Variants in ZFP64 observed in about 807,000 individuals in gnomAD.
ZFP64 encodes the protein ZFP64 zinc finger protein.
Under a neutral mutation model 51.6 loss-of-function variants are expected in ZFP64, and 14 were observed. The observed-to-expected ratio is 0.27, with a 90% CI of 0.18 to 0.42. The LOEUF (loss-of-function observed/expected upper bound fraction) is 0.42. Among genes scored for constraint, ZFP64 ranks in the 10% least tolerant of loss-of-function variants. ZFP64 has a pLI of 1.00. For missense variants in ZFP64, 754 were observed against 906.8 expected, an observed-to-expected ratio of 0.83 and a Z score of 2.16; for synonymous variants, 375 against 361.4, an observed-to-expected ratio of 1.04 and a Z score of -0.43.
Position 52,152,313 on chromosome 20 carries a change from C to T in ZFP64, c.1879G>A (p.Glu627Lys). ...CCTCCATCGCTCACCACTGTCACTT[C>T]TGCTGTCCCCTCCTGAATCAAGGCG... ...LNALIQEGTA[E>K]VTVVSDGGQN... The change falls in exon 6 of 6, where the codon GAA becomes AAA. Residue 627 changes from glutamate (E) to lysine (K), a missense_variant. Physicochemically the swap from Glu to Lys is moderately conservative, Grantham distance 56. This residue lies in a region of ZFP64 where 428 missense variants were observed against 472.4 expected (regional missense o/e 0.91). Coordinates refer to ENST00000216923, the MANE Select transcript of ZFP64 (RefSeq NM_018197.3). 8 of 1,614,206 alleles carry T rather than the reference C, an allele frequency of 5.0e-6. 1 individual carries two copies. The South Asian group carries it at 7.7e-5, about 16-fold the overall frequency.
intron 5 of ZFP64, among the ~76,000 whole-genome samples, chr20:52,143,121 A>G (rs1980357725): frequency 7.0e-6 from 1 of 143,358 alleles, no homozygotes; most frequent in South Asian, 2.3e-4. Flanking sequence ...TGAATAGACT[A>G]TAGTATGGTA....
intron 5 of ZFP64, among the ~76,000 whole-genome samples, chr20:52,155,287 C>A (rs984755045): frequency 1.2e-4 from 18 of 152,148 alleles, no homozygotes; most frequent in Admixed American, 3.9e-4. Context: ...GCACTGTTAT[C>A]AGATTGGTTG....
chr20:52,085,193 G>A lies in ZFP64; in HGVS notation c.1302C>T (p.Ile434=), dbSNP rs1238264888. ...TGAAAGGCTTCTCCCCCGAGTGCAC[G>A]ATCATGTGCCTTTTCAAGTCCGAGC... Residue 434 remains isoleucine, a synonymous_variant, in exon 9 of 9, where the codon ATC becomes ATT. Transcript: ENST00000361387. The surrounding 1 kb of genome is among the most constrained non-coding windows in gnomAD (Gnocchi z 4.3). 1 of 1,614,212 alleles carries A rather than the reference G, an allele frequency of 6.2e-7. No homozygotes were observed. Among genetic ancestry groups the A allele is most frequent in the Admixed American group, 1.7e-5 (1 of 60,030 alleles).
chr20:52,139,470 G>C (rs1027614747), intron 5 of ZFP64, among the ~76,000 whole-genome samples: 37 of 152,136 alleles, frequency 2.4e-4, no homozygotes, highest in African/African-American at 8.9e-4. Context: ...TGGACACAAA[G>C]ATGGGAACAA....
rs1226296174 is a variant in ZFP64 at position 52,151,940 on chromosome 20, G to A, written c.*206C>T. On this transcript the variant is annotated 3_prime_UTR_variant, in exon 6 of 6. Coordinates refer to ENST00000216923, the MANE Select transcript of ZFP64 (RefSeq NM_018197.3). ...TGGTCCCAGCTACTCGGAGGGCTGA[G>A]GCATGAGAATCGCTTGAACCTGGGA... 3 of 1,189,454 alleles carry A rather than the reference G, an allele frequency of 2.5e-6. No individual in the cohort carries two copies. In the East Asian group the frequency reaches 8.6e-5, roughly 34 times the overall value. The allele number at this position is 1,189,454 out of a possible 1,614,324, so 73.7% of individuals were successfully genotyped here.
Position 52,152,826 on chromosome 20 carries a change from A to G in ZFP64, c.1366T>C (p.Ser456Pro). 6.2e-7 allele frequency: 1 copy of G among 1,613,840 alleles called. No individual in the cohort carries two copies. The highest frequency in any genetic ancestry group is 1.1e-5 in the South Asian group (1 of 91,090). Residue 456 changes from serine (S) to proline (P), a missense_variant, in exon 6 of 6, where the codon TCG becomes CCG. Physicochemically the swap from Ser to Pro is moderately conservative, Grantham distance 74. This residue lies in a region of ZFP64 where 428 missense variants were observed against 472.4 expected (regional missense o/e 0.91). Coordinates refer to ENST00000216923, the MANE Select transcript of ZFP64 (RefSeq NM_018197.3). ...QHSEYSESKN[S>P]DVTVLQFQID... Reference sequence around the variant, plus strand: ...TGAAACTGGAGAACGGTCACGTCCGAGTTCTTACTCTCACTGTACTCACTG... The same window carrying G: ...TGAAACTGGAGAACGGTCACGTCCGGGTTCTTACTCTCACTGTACTCACTG...
At chr20:52,088,395 T>C in exon 8 of ZFP64, 2 of 1,613,934 alleles carry the variant, frequency 1.2e-6, no homozygotes, top group Non-Finnish European at 1.7e-6. Flanking sequence ...GACTCACCCG[T>C]GTGAGATCGC....
chr20:52,162,224 G>A lies in ZFP64; in HGVS notation c.512-1850C>T, dbSNP rs552502855. Among the ~76,000 whole-genome samples, 3 of 152,124 alleles carry A rather than the reference G, an allele frequency of 2.0e-5. No homozygotes were observed. The South Asian group carries it at 6.2e-4, about 31-fold the overall frequency. On this transcript the variant is annotated intron_variant, in intron 4 of 5. Coordinates refer to ENST00000216923, the MANE Select transcript of ZFP64 (RefSeq NM_018197.3). ...GAGGCAGGAGAATCACTTGAACTCG[G>A]AAGGCGGAGGTTGCAGTGTGCTGAG...
chr20:52,131,600 A>C (rs1165096220), intron 5 of ZFP64, among the ~76,000 whole-genome samples: 1 of 152,238 alleles, frequency 6.6e-6, no homozygotes, highest in Middle Eastern at 3.2e-3. Flanking sequence ...ACATTTCAAG[A>C]CAAAAACTAT....
intron 3 of ZFP64, chr20:52,165,276 C>G: frequency 2.2e-6 from 1 of 456,188 alleles, no homozygotes; most frequent in Non-Finnish European, 4.4e-6. Context: ...GATGATTGTC[C>G]TGTGGTTATT....
chr20:52,160,370 G>T lies in ZFP64; in HGVS notation c.516C>A (p.Asp172Glu), dbSNP rs182544212. 245 of 1,611,640 alleles carry T rather than the reference G, an allele frequency of 1.5e-4. No homozygotes were observed. The highest frequency in any genetic ancestry group is 7.4e-5 in the Non-Finnish European group (87 of 1,178,338). The change falls in exon 5 of 6, where the codon GAC becomes GAA. Residue 172 changes from aspartate (D) to glutamate (E), a missense_variant. This residue lies in a region of ZFP64 where 231 missense variants were observed against 336.7 expected (regional missense o/e 0.69). Coordinates refer to ENST00000216923, the MANE Select transcript of ZFP64 (RefSeq NM_018197.3). The surrounding 1 kb of genome is among the most constrained non-coding windows in gnomAD (Gnocchi z 4.2). The part of the protein sequence containing the change: ...MERHLKIHTG[D>E]KPHKCEVCGK... ...CACAGACTTCACACTTATGGGGTTTGTCTCCTTCAAACACATACACACACA... is the reference window on the plus strand; with the variant it reads ...CACAGACTTCACACTTATGGGGTTTTTCTCCTTCAAACACATACACACACA...
intron 7 of ZFP64, chr20:52,089,138 C>T: frequency 2.3e-6 from 1 of 439,438 alleles, no homozygotes; most frequent in Non-Finnish European, 4.5e-6. Context: ...ACCACATACC[C>T]AGAACACTTC....
At chr20:52,105,318 C>T (rs530623159) in intron 5 of ZFP64, 28 of 1,254,566 alleles carry the variant, frequency 2.2e-5, no homozygotes, top group South Asian at 3.4e-5. Flanking sequence ...GAAATTACCC[C>T]CCTTCGGCCG....
intron 7 of ZFP64, among the ~76,000 whole-genome samples, chr20:52,094,827 GTA>G (rs1303057991): frequency 6.6e-6 from 1 of 152,162 alleles, no homozygotes; most frequent in Non-Finnish European, 1.5e-5. Flanking sequence ...ACACACCTCA[GTA>G]TTCCTAGCTT....
At chr20:52,133,470 ACAG>A (rs1226001544) in intron 5 of ZFP64, among the ~76,000 whole-genome samples, 1 of 150,540 alleles carries the variant, frequency 6.6e-6, no homozygotes, top group African/African-American at 2.4e-5. Flanking sequence ...AGGACTCCAC[ACAG>A]AAAAATACTA....
chr20:52,175,662 T>C (rs1983132193), intron 2 of ZFP64, among the ~76,000 whole-genome samples: 1 of 152,068 alleles, frequency 6.6e-6, no homozygotes, highest in Non-Finnish European at 1.5e-5. Flanking sequence ...CTGGCCAACA[T>C]GGTGAAACCC....
At chr20:52,088,144 A>AT in intron 8 of ZFP64, 1 of 563,124 alleles carries the variant, frequency 1.8e-6, no homozygotes, top group East Asian at 3.2e-5. Context: ...CTTGGCAGTT[A>AT]TAGTGGGTAT....
intron 5 of ZFP64, among the ~76,000 whole-genome samples, chr20:52,104,369 C>G (rs956305782): frequency 1.3e-5 from 2 of 152,138 alleles, no homozygotes; most frequent in Admixed American, 6.5e-5. Flanking sequence ...TTAAGGTAGC[C>G]GACGATCTCC....
chr20:52,154,454 T>C (rs1245309171), intron 5 of ZFP64, among the ~76,000 whole-genome samples: 1 of 152,204 alleles, frequency 6.6e-6, no homozygotes, highest in Non-Finnish European at 1.5e-5. Flanking sequence ...ACTCCACAAC[T>C]GGTATCTTTA....
Sources: allele counts gnomAD v4.1 joint callset (sites outside exome capture counted in the v4.1 genomes callset), GRCh38; gene constraint gnomAD v4.1.1; regional missense constraint gnomAD v4.1.1; non-coding constraint Gnocchi (gnomAD v3.1); transcripts MANE v1.5; gene names NCBI Gene and HGNC (gene_info 2026-07-23, HGNC 2026-07-21).